Variants in GSTCD observed in about 807,000 individuals in gnomAD.
The protein encoded by GSTCD is glutathione S-transferase C-terminal domain-containing protein.
Under a neutral mutation model 68.3 loss-of-function variants are expected in GSTCD, and 44 were observed. That is an observed-to-expected ratio of 0.64 (90% CI 0.51 to 0.83). The LOEUF (loss-of-function observed/expected upper bound fraction) is 0.83. Ranked by LOEUF, GSTCD falls within the 40% of genes least tolerant of loss-of-function variation. GSTCD has a pLI of 0.00. For missense variants in GSTCD, 739 were observed against 735.9 expected (o/e 1.00, Z -0.05); for synonymous variants, 273 against 255.2 (o/e 1.07, Z -0.67).
At chr4:105,754,024 C>A (rs1289446697) in intron 5 of GSTCD, among the ~76,000 whole-genome samples, 1 of 151,622 alleles carries the variant, frequency 6.6e-6, no homozygotes, top group Non-Finnish European at 1.5e-5. Flanking sequence ...TGATGTAGAT[C>A]CCTGTTTTTC....
chr4:105,842,136 T>A lies in GSTCD; in HGVS notation c.1765+2T>A. 3 of 1,612,572 alleles carry A rather than the reference T, an allele frequency of 1.9e-6. No individual in the cohort carries two copies. Among genetic ancestry groups the A allele is most frequent in the Non-Finnish European group, 2.5e-6 (3 of 1,178,624 alleles). On this transcript the variant is annotated splice_donor_variant, in intron 11 of 11. Transcript: ENST00000515279. LOFTEE classifies it high-confidence loss of function. ...TCCCACCCCAACGAAGGCTCATAGG[T>A]ATGTGTTTTCACAGAGCAGCTGTTG...
At chr4:105,733,139 T>G (rs1733315729) in intron 5 of GSTCD, among the ~76,000 whole-genome samples, 1 of 152,218 alleles carries the variant, frequency 6.6e-6, no homozygotes, top group Admixed American at 6.5e-5. Flanking sequence ...AAGTGTGGTG[T>G]GGTGCTGAGA....
intron 5 of GSTCD, among the ~76,000 whole-genome samples, chr4:105,785,994 C>T (rs932286569): frequency 2.0e-5 from 3 of 152,174 alleles, no homozygotes; most frequent in Non-Finnish European, 2.9e-5. Context: ...ATCCCATTTA[C>T]AACCCTATCA....
Position 105,726,806 on chromosome 4 carries a change from A to T in GSTCD, c.1122A>T (p.Pro374=). The change falls in exon 4 of 12, where the codon CCA becomes CCT. Residue 374 remains proline, a synonymous_variant. Transcript: ENST00000515279. ...EQSDPLFIGG[P]RPTMAKLMEK... is the part of the protein sequence containing the mutation. The stretch of plus-strand genomic sequence containing the variant: ...GCGATCCTTTATTTATAGGAGGACC[A>T]AGACCAACCATGGCCAAGTTAATGG... The T allele has an allele frequency of 6.2e-7, 1 of 1,611,242 alleles. No homozygotes were observed. The highest frequency in any genetic ancestry group is 8.5e-7 in the Non-Finnish European group (1 of 1,178,750).
At chr4:105,816,271 G>C (rs979789930) in intron 5 of GSTCD, among the ~76,000 whole-genome samples, 21 of 152,096 alleles carry the variant, frequency 1.4e-4, no homozygotes, top group Admixed American at 1.0e-3. Flanking sequence ...ACTATAACAT[G>C]AAAGATCTTC....
intron 5 of GSTCD, among the ~76,000 whole-genome samples, chr4:105,764,841 T>C (rs1473746115): frequency 3.3e-5 from 5 of 152,196 alleles, no homozygotes; most frequent in Non-Finnish European, 5.9e-5. Flanking sequence ...TATTCTTTTA[T>C]TTTTTATGTT....
At chr4:105,765,313 G>A (rs938276812) in intron 5 of GSTCD, among the ~76,000 whole-genome samples, 2 of 152,182 alleles carry the variant, frequency 1.3e-5, no homozygotes, top group African/African-American at 4.8e-5. Flanking sequence ...CAATGTTGCT[G>A]TATGTGCATT....
intron 3 of GSTCD, 91 bp from the exon 4 acceptor site, chr4:105,726,488 T>A: frequency 1.3e-6 from 1 of 752,650 alleles, no homozygotes; most frequent in Non-Finnish European, 2.1e-6. Flanking sequence ...TACACTTAAA[T>A]GTGTGAATGT....
At chr4:105,760,895 G>A (rs1233323343) in intron 5 of GSTCD, 29 of 272,716 alleles carry the variant, frequency 1.1e-4, no homozygotes, top group Non-Finnish European at 3.5e-5. Flanking sequence ...GAGGTGTTAT[G>A]GGGCATTGTT....
At chr4:105,821,441 T>TA (rs1560846569) in intron 5 of GSTCD, among the ~76,000 whole-genome samples, 1 of 151,926 alleles carries the variant, frequency 6.6e-6, no homozygotes, top group African/African-American at 2.4e-5. Context: ...ATTGTACACA[T>TA]ATATTATTAG....
intron 1 of GSTCD, among the ~76,000 whole-genome samples, chr4:105,713,299 TGAAA>T (rs1732593755): frequency 6.6e-6 from 1 of 152,104 alleles, no homozygotes; most frequent in Admixed American, 6.6e-5. Context: ...GAGTAGCCAA[TGAAA>T]GGAATCAGGA....
intron 5 of GSTCD, among the ~76,000 whole-genome samples, chr4:105,773,149 G>A (rs543998259): frequency 2.0e-5 from 3 of 152,288 alleles, no homozygotes; most frequent in South Asian, 4.1e-4. Context: ...TTGTATAGAG[G>A]TGTTCATAGT....
intron 5 of GSTCD, among the ~76,000 whole-genome samples, chr4:105,783,337 G>T (rs1258514795): frequency 2.0e-5 from 3 of 152,006 alleles, no homozygotes; most frequent in Non-Finnish European, 4.4e-5. Context: ...TTAGCAGGTT[G>T]GTATATTATA....
At chr4:105,713,339 G>C (rs1732594896) in intron 1 of GSTCD, among the ~76,000 whole-genome samples, 1 of 152,162 alleles carries the variant, frequency 6.6e-6, no homozygotes, top group South Asian at 2.1e-4. Context: ...ATTTAATCCA[G>C]TGCAGAAACT....
intron 5 of GSTCD, among the ~76,000 whole-genome samples, chr4:105,739,597 G>A (rs1733565236): frequency 1.3e-5 from 2 of 152,200 alleles, no homozygotes; most frequent in South Asian, 4.1e-4. Flanking sequence ...GGGAAGACAT[G>A]ACTGCAGTTG....
chr4:105,718,065 A>G, intron 2 of GSTCD, 26 bp downstream of exon 2: 1 of 1,529,294 alleles, frequency 6.5e-7, no homozygotes, highest in East Asian at 2.3e-5. Flanking sequence ...TTTTTCTGTT[A>G]TTTGAAGCTA....
chr4:105,726,933 A>C (rs1733057814), intron 4 of GSTCD, 103 bp downstream of exon 4: 1 of 959,256 alleles, frequency 1.0e-6, no homozygotes, highest in Non-Finnish European at 1.5e-6. Context: ...TTTGTTATAA[A>C]TTTTATTTGT....
At chr4:105,819,792 G>GA (rs1268325062) in intron 5 of GSTCD, among the ~76,000 whole-genome samples, 2 of 151,336 alleles carry the variant, frequency 1.3e-5, no homozygotes, top group African/African-American at 4.8e-5. Flanking sequence ...GATCTCTGTT[G>GA]AAAAAATTTG....
At chr4:105,836,230 T>C (rs1031150063) in intron 9 of GSTCD, among the ~76,000 whole-genome samples, 1 of 152,134 alleles carries the variant, frequency 6.6e-6, no homozygotes, top group Non-Finnish European at 1.5e-5. Context: ...GTGGGTAGCT[T>C]CTCTCCGCAG....
Sources: gnomAD v4.1 joint callset for allele counts (sites outside exome capture counted in the v4.1 genomes callset) on GRCh38, gnomAD v4.1.1 for gene constraint, MANE v1.5 for transcripts, NCBI Gene and HGNC (gene_info 2026-07-23, HGNC 2026-07-21) for gene names.